FHOD3: variants seen among roughly 807,000 people sequenced by gnomAD.
FHOD3 encodes formin homology 2 domain containing 3.
FHOD3 carries 90 observed loss-of-function variants against 173.0 expected under a neutral mutation model. The observed-to-expected ratio is 0.52, with a 90% confidence interval of 0.44 to 0.62. FHOD3 has a LOEUF of 0.62. FHOD3 is among the 20% of genes least tolerant of loss of function. The pLI is 0.00. For missense variants in FHOD3, 1,945 were observed against 2,034.7 expected (o/e 0.96, Z 0.85); for synonymous variants, 828 against 823.0 (o/e 1.01, Z -0.10).
Position 36,747,036 on chromosome 18 carries a change from A to C in FHOD3, c.4133A>C (p.Glu1378Ala). The change falls in exon 24 of 29, where the codon GAA becomes GCA. Residue 1378 changes from glutamate to alanine, a missense_variant. Around this residue, in one of 5 missense-constraint regions of FHOD3, gnomAD observed 354 missense variants for 359.9 expected, o/e 0.98. Coordinates refer to ENST00000590592, the MANE Select transcript of FHOD3 (RefSeq NM_001281740.3). Reference sequence around the variant, plus strand: ...CACCTCAAGGCAATTGCAAAACATGAAATGAAACCAGTTTTAAAACAACGG... The same window carrying C: ...CACCTCAAGGCAATTGCAAAACATGCAATGAAACCAGTTTTAAAACAACGG... ...WDHLKAIAKHEMKPVLKQRMS... is the reference protein window; with the variant it reads ...WDHLKAIAKHAMKPVLKQRMS... 6.2e-7 allele frequency: 1 copy of C among 1,614,170 alleles called. No homozygotes were observed. The highest frequency in any genetic ancestry group is 8.5e-7 in the Non-Finnish European group (1 of 1,180,002).
intron 2 of FHOD3, among the ~76,000 whole-genome samples, chr18:36,369,806 C>T: frequency 6.6e-6 from 1 of 151,994 alleles, no homozygotes; most frequent in Non-Finnish European, 1.5e-5. Context: ...CACCAGTTCC[C>T]TAAAAAACCA....
intron 1 of FHOD3, among the ~76,000 whole-genome samples, chr18:36,299,273 T>A (rs2091894159): frequency 6.6e-6 from 1 of 152,190 alleles, no homozygotes; most frequent in Admixed American, 6.5e-5. Context: ...GATACAGTCG[T>A]GGAAACCTCT....
At chr18:36,643,179 G>A (rs1252606339) in intron 10 of FHOD3, among the ~76,000 whole-genome samples, 1 of 152,040 alleles carries the variant, frequency 6.6e-6, no homozygotes, top group Non-Finnish European at 1.5e-5. Flanking sequence ...GACAATTACA[G>A]ATAGTGCTGC....
At chr18:36,406,643 G>A (rs1161377735) in intron 3 of FHOD3, among the ~76,000 whole-genome samples, 2 of 152,316 alleles carry the variant, frequency 1.3e-5, no homozygotes, top group South Asian at 2.1e-4. Context: ...GATCTGAGAT[G>A]AGCTGCCCTT....
At chr18:36,555,424 A>G (rs77680270) in intron 5 of FHOD3, among the ~76,000 whole-genome samples, 1,855 of 151,924 alleles carry the variant, frequency 0.012, 45 homozygotes, top group African/African-American at 0.042. Context: ...TATGACTTCA[A>G]TCCTTTAAAT....
At chr18:36,453,213 G>T (rs1256902859) in intron 3 of FHOD3, among the ~76,000 whole-genome samples, 3 of 152,150 alleles carry the variant, frequency 2.0e-5, no homozygotes, top group Non-Finnish European at 4.4e-5. Flanking sequence ...CTGGTCAGTT[G>T]CCATGGAGGC....
chr18:36,338,344 G>A (rs1384568354), intron 1 of FHOD3, among the ~76,000 whole-genome samples: 1 of 152,176 alleles, frequency 6.6e-6, no homozygotes, highest in East Asian at 1.9e-4. Context: ...TGGGGCTGCT[G>A]TAAAGGACAG....
chr18:36,594,028 C>T (rs1395977567), intron 6 of FHOD3, among the ~76,000 whole-genome samples: 1 of 152,224 alleles, frequency 6.6e-6, no homozygotes, highest in Non-Finnish European at 1.5e-5. Flanking sequence ...ACCTAAGGGG[C>T]CCCGGAGGCT....
intron 6 of FHOD3, among the ~76,000 whole-genome samples, chr18:36,587,341 G>T (rs926558085): frequency 6.6e-6 from 1 of 152,206 alleles, no homozygotes; most frequent in African/African-American, 2.4e-5. Context: ...GATCCCAGCA[G>T]TCGGAGCCAG....
intron 1 of FHOD3, among the ~76,000 whole-genome samples, chr18:36,325,724 C>A (rs2044637080): frequency 6.6e-6 from 1 of 152,152 alleles, no homozygotes; most frequent in Non-Finnish European, 1.5e-5. Flanking sequence ...TTTCTTCTTA[C>A]TCTGTTGCAA....
chr18:36,474,296 C>T (rs1017805557), intron 3 of FHOD3, among the ~76,000 whole-genome samples: 6 of 152,096 alleles, frequency 3.9e-5, no homozygotes, highest in African/African-American at 1.4e-4. Flanking sequence ...TTCTTTTTGT[C>T]CCATAAGTTG....
intron 3 of FHOD3, among the ~76,000 whole-genome samples, chr18:36,445,038 A>G (rs952243845): frequency 1.3e-5 from 2 of 152,220 alleles, no homozygotes; most frequent in African/African-American, 4.8e-5. Flanking sequence ...AGATTGTAGT[A>G]AGGTAATCTG....
At chr18:36,328,986 G>T (rs1441511992) in intron 1 of FHOD3, among the ~76,000 whole-genome samples, 2 of 152,222 alleles carry the variant, frequency 1.3e-5, no homozygotes, top group East Asian at 3.8e-4. Flanking sequence ...AGTGAGCAAG[G>T]CATAGATGGT....
chr18:36,699,101 A>G (rs554135088), intron 17 of FHOD3, among the ~76,000 whole-genome samples: 1 of 152,334 alleles, frequency 6.6e-6, no homozygotes, highest in East Asian at 1.9e-4. Context: ...CCTTAGAAAG[A>G]TAGTGCAGAA....
At chr18:36,511,235 TC>T (rs1568365991) in intron 4 of FHOD3, among the ~76,000 whole-genome samples, 1 of 152,150 alleles carries the variant, frequency 6.6e-6, no homozygotes, top group African/African-American at 2.4e-5. Flanking sequence ...CAAGGCACTG[TC>T]CAATTGAGGA....
chr18:36,369,480 C>CAT (rs2047062241), intron 2 of FHOD3, among the ~76,000 whole-genome samples: 1 of 129,052 alleles, frequency 7.7e-6, no homozygotes, highest in Admixed American at 7.7e-5. Context: ...CACACACACA[C>CAT]ACACACACAC....
rs1466627291 is a variant in FHOD3, at chr18:36,759,101, C to T, written c.4426-17C>T. The T allele has an allele frequency of 6.5e-7, 1 of 1,535,736 alleles. No individual in the cohort carries two copies. Among genetic ancestry groups the T allele is most frequent in the Non-Finnish European group, 8.7e-7 (1 of 1,146,700 alleles). On this transcript the variant is annotated splice_polypyrimidine_tract_variant and intron_variant, in intron 25 of 28. Coordinates refer to ENST00000590592, the MANE Select transcript of FHOD3 (RefSeq NM_001281740.3). Reference sequence around the variant, plus strand: ...TTCTGTCTTTTCCGTCCTGTCCTGTCCTGTCCTCTCGGGTAGACTGATGAG... The same window carrying T: ...TTCTGTCTTTTCCGTCCTGTCCTGTTCTGTCCTCTCGGGTAGACTGATGAG...
At chr18:36,531,306 G>A in intron 5 of FHOD3, among the ~76,000 whole-genome samples, 1 of 152,156 alleles carries the variant, frequency 6.6e-6, no homozygotes. Context: ...CCCAGTGCCT[G>A]CAACCCACCC....
intron 5 of FHOD3, among the ~76,000 whole-genome samples, chr18:36,572,811 C>T (rs549383027): frequency 2.3e-4 from 35 of 152,262 alleles, no homozygotes; most frequent in African/African-American, 8.2e-4. Flanking sequence ...GCTAAAGAGT[C>T]TACCTTCTCT....
Sources: allele counts gnomAD v4.1 joint callset (sites outside exome capture counted in the v4.1 genomes callset), GRCh38; gene constraint gnomAD v4.1.1; regional missense constraint gnomAD v4.1.1; transcripts MANE v1.5; gene names NCBI Gene and HGNC (gene_info 2026-07-23, HGNC 2026-07-21).